The following MUSK variants were observed in gnomAD, a reference collection of about 807,000 sequenced individuals.
The protein encoded by MUSK is muscle, skeletal receptor tyrosine-protein kinase.
MUSK carries 55 observed loss-of-function variants against 88.7 expected under a neutral mutation model. The observed-to-expected ratio is 0.62, with a 90% CI of 0.50 to 0.78. The LOEUF (loss-of-function observed/expected upper bound fraction) is 0.78. Among genes scored for constraint, MUSK ranks in the 30% least tolerant of loss-of-function variants. MUSK has a pLI of 0.00. For missense variants in MUSK, 1,015 were observed against 1,074.3 expected (o/e 0.94, Z 0.77); for synonymous variants, 387 against 391.9 (o/e 0.99, Z 0.15).
intron 5 of MUSK, among the ~76,000 whole-genome samples, chr9:110,708,671 C>T (rs2076631792): frequency 6.6e-6 from 1 of 152,080 alleles, no homozygotes; most frequent in African/African-American, 2.4e-5. Flanking sequence ...CTAAAAAGTT[C>T]TATAAGGCTT....
rs2077509086 is a variant in MUSK, at chr9:110,767,910, C to A, written c.1011C>A (p.Leu337=). The change falls in exon 9 of 15, where the codon CTC becomes CTA. Residue 337 remains leucine (L), a synonymous_variant. Transcript: ENST00000374448. ...AVLAKDALVF[L]NTSYADPEEA... ...TGGCAAAAGATGCTCTTGTTTTTCT[C>A]AACACCTCCTATGCGGACCCTGAGG... 2 of 1,613,836 alleles carry A rather than the reference C, an allele frequency of 1.2e-6. No homozygotes were observed. Among genetic ancestry groups the A allele is most frequent in the East Asian group, 4.5e-5 (2 of 44,892 alleles).
chr9:110,768,978 C>A (rs757959353), intron 9 of MUSK, among the ~76,000 whole-genome samples: 8 of 152,190 alleles, frequency 5.3e-5, no homozygotes, highest in South Asian at 2.1e-4. Flanking sequence ...AAAAAAGAAT[C>A]TAGTTTTTGA....
In MUSK at chr9:110,785,452, TTAGAATCTAAGTC is replaced by T. The variant is rs1381088924; in HGVS notation, c.1587-72_1587-60del. On this transcript the variant is annotated intron_variant, in intron 12 of 14. Coordinates refer to ENST00000374448, the MANE Select transcript of MUSK (RefSeq NM_005592.4). The stretch of plus-strand genomic sequence containing the variant: ...TCATTACTCTTAAATGCCATATTTC[TTAGAATCTAAGTC>T]TAAGTACAAAGATCTAACCTGCTTC... 3.2e-6 allele frequency: 4 copies of T among 1,249,754 alleles called. No individual in the cohort carries two copies. In the African/African-American group the frequency reaches 6.1e-5, roughly 19 times the overall value. 77.4% of individuals were successfully genotyped at this position (1,249,754 alleles called of 1,614,324 possible). A position where few individuals can be genotyped will look rare whatever the true frequency, so the allele number is the denominator to read the frequency against.
intron 6 of MUSK, 70 bp downstream of exon 6, chr9:110,734,445 T>C (rs536278919): frequency 6.3e-7 from 1 of 1,590,428 alleles, no homozygotes; most frequent in East Asian, 2.2e-5. Flanking sequence ...ATAGACCATA[T>C]AGTTGTAGTT....
chr9:110,688,837 A>C (rs954512700), intron 3 of MUSK, among the ~76,000 whole-genome samples: 5 of 151,288 alleles, frequency 3.3e-5, no homozygotes, highest in African/African-American at 1.2e-4. Flanking sequence ...GTGTTTAGGT[A>C]CCACATTTTC....
At chr9:110,753,446 GA>G (rs112218169) in intron 7 of MUSK, among the ~76,000 whole-genome samples, 44,493 of 124,576 alleles carry the variant, frequency 0.36, 6,913 homozygotes, top group East Asian at 0.59. Flanking sequence ...TCTCAAAAAG[GA>G]AAAAAAAAAA....
At position 110,775,841 on chromosome 9, in the gene MUSK, T is replaced by TG. The variant is rs1394297560; in HGVS notation, c.1240dup (p.Glu414GlyfsTer43). On this transcript the variant is annotated frameshift_variant, in exon 10 of 15. Transcript: ENST00000374448. LOFTEE classifies it high-confidence loss of function. ...TTCTGCGCAAAAGAATGGCTGGTAA[T>TG]GGAAGAGAAGACCCACAGAGGACTC... 6.2e-7 allele frequency: 1 copy of TG among 1,613,862 alleles called. No individual in the cohort carries two copies. Among genetic ancestry groups the TG allele is most frequent in the African/African-American group, 1.3e-5 (1 of 75,010 alleles).
chr9:110,688,909 T>C (rs115137904), intron 3 of MUSK, among the ~76,000 whole-genome samples: 3,293 of 147,352 alleles, frequency 0.022, 123 homozygotes, highest in African/African-American at 0.077. Flanking sequence ...TATTGTTTTT[T>C]TGTTATATAT....
In MUSK at chr9:110,801,413, G is replaced by A. The variant is rs2078096568; in HGVS notation, c.*425G>A. ...ATTGTGAAAGTAGCTTAATCGTCATGTAAGACACTTAGGTGAAGTACAGAA... is the reference window on the plus strand; with the variant it reads ...ATTGTGAAAGTAGCTTAATCGTCATATAAGACACTTAGGTGAAGTACAGAA... On this transcript the variant is annotated 3_prime_UTR_variant, in exon 15 of 15. Coordinates refer to ENST00000374448, the MANE Select transcript of MUSK (RefSeq NM_005592.4). 6.5e-6 allele frequency: 1 copy of A among 154,084 alleles called. No individual in the cohort carries two copies. Among genetic ancestry groups the A allele is most frequent in the Admixed American group, 6.5e-5 (1 of 15,362 alleles). 9.5% of individuals were successfully genotyped at this position (154,084 alleles called of 1,614,324 possible).
chr9:110,741,842 T>C (rs1410041226), intron 6 of MUSK, among the ~76,000 whole-genome samples: 1 of 152,138 alleles, frequency 6.6e-6, no homozygotes, highest in African/African-American at 2.4e-5. Context: ...AGGTTGTAAA[T>C]GCCCCTCTTT....
chr9:110,787,631 G>C, intron 13 of MUSK, 59 bp from the exon 14 acceptor site: 2 of 1,551,772 alleles, frequency 1.3e-6, no homozygotes. Context: ...AATGTGGGTA[G>C]GTATAAAGAT....
intron 5 of MUSK, among the ~76,000 whole-genome samples, chr9:110,726,481 G>A (rs73657651): frequency 1.3e-3 from 197 of 152,142 alleles, no homozygotes; most frequent in African/African-American, 4.5e-3. Context: ...AAACTGAAAC[G>A]AGACTCAGAA....
chr9:110,777,325 G>A (rs1331191962), intron 11 of MUSK, among the ~76,000 whole-genome samples: 1 of 152,020 alleles, frequency 6.6e-6, no homozygotes, highest in African/African-American at 2.4e-5. Flanking sequence ...GCGTTCTAAG[G>A]CTTAAATCAC....
chr9:110,689,676 T>TA lies in MUSK; in HGVS notation c.358+2409dup, dbSNP rs373455308. ...ACCATATAATATACATAGTATATTATATATAACTATATATAGTTATATATA... is the reference window on the plus strand; with the variant it reads ...ACCATATAATATACATAGTATATTATAATATAACTATATATAGTTATATATA... On this transcript the variant is annotated intron_variant, in intron 3 of 14. Coordinates refer to ENST00000374448, the MANE Select transcript of MUSK (RefSeq NM_005592.4). Among the ~76,000 whole-genome samples the TA allele has an allele frequency of 7.5e-5, 6 of 79,528 alleles. 1 individual carries two copies. The highest frequency in any genetic ancestry group is 2.4e-4 in the African/African-American group (4 of 16,932). The allele number at this position is 79,528 out of a possible 152,430, so 52.2% of individuals were successfully genotyped here.
intron 11 of MUSK, among the ~76,000 whole-genome samples, chr9:110,776,981 T>C (rs931435540): frequency 2.6e-5 from 4 of 152,204 alleles, no homozygotes; most frequent in African/African-American, 9.6e-5. Flanking sequence ...ATATTCTTGA[T>C]TCAGTATAAT....
intron 14 of MUSK, among the ~76,000 whole-genome samples, chr9:110,798,347 T>C (rs1370591447): frequency 6.6e-6 from 1 of 152,214 alleles, no homozygotes; most frequent in Non-Finnish European, 1.5e-5. Context: ...GATAATGGTT[T>C]TGTAGTCATA....
At chr9:110,776,857 G>C (rs1385689036) in intron 11 of MUSK, among the ~76,000 whole-genome samples, 1 of 152,118 alleles carries the variant, frequency 6.6e-6, no homozygotes, top group Non-Finnish European at 1.5e-5. Context: ...ACCGTAGAGA[G>C]TACCATATTT....
chr9:110,749,214 C>T (rs1340314722), intron 7 of MUSK, among the ~76,000 whole-genome samples: 1 of 152,152 alleles, frequency 6.6e-6, no homozygotes, highest in African/African-American at 2.4e-5. Flanking sequence ...TGGGTCCTGC[C>T]TTCCAGGGAC....
intron 5 of MUSK, among the ~76,000 whole-genome samples, chr9:110,730,459 TA>T (rs1336070619): frequency 1.3e-5 from 2 of 152,046 alleles, no homozygotes; most frequent in Non-Finnish European, 2.9e-5. Flanking sequence ...TTTATGCAGA[TA>T]AAACACAAAA....
Sources: gnomAD v4.1 joint callset for allele counts (sites outside exome capture counted in the v4.1 genomes callset) on GRCh38, gnomAD v4.1.1 for gene constraint, MANE v1.5 for transcripts, NCBI Gene and HGNC (gene_info 2026-07-23, HGNC 2026-07-21) for gene names.